GAB1: variants seen among roughly 807,000 people sequenced by gnomAD.
The protein encoded by GAB1 is GRB2 associated binding protein 1, also known as GRB2-associated-binding protein 1.
A neutral mutation model predicts 66.5 loss-of-function variants in GAB1; 19 were observed. That is an observed-to-expected ratio of 0.29 (90% CI 0.20 to 0.42). The LOEUF (loss-of-function observed/expected upper bound fraction) is 0.42, where lower values mean the gene tolerates loss of function less well. Among genes scored for constraint, GAB1 ranks in the 10% least tolerant of loss-of-function variants. The probability of loss-of-function intolerance (pLI) is 1.00; values close to 1 mark genes in which losing one functional copy is unlikely to be tolerated. For missense variants in GAB1, 732 were observed against 858.5 expected (o/e 0.85, Z 1.84); for synonymous variants, 294 against 301.4 (o/e 0.98, Z 0.25).
intron 1 of GAB1, among the ~76,000 whole-genome samples, chr4:143,412,222 A>G (rs969230477): frequency 1.3e-5 from 2 of 152,262 alleles, no homozygotes; most frequent in African/African-American, 4.8e-5. Context: ...CATAAGCTGT[A>G]GCAAAAGGAC....
At chr4:143,376,340 A>G (rs994987716) in intron 1 of GAB1, among the ~76,000 whole-genome samples, 3 of 152,216 alleles carry the variant, frequency 2.0e-5, no homozygotes, top group East Asian at 1.9e-4. Flanking sequence ...GGTCAGGGAG[A>G]AAAACACAGA....
At chr4:143,437,951 T>C in intron 3 of GAB1, 48 bp from the exon 4 acceptor site, 2 of 1,537,030 alleles carry the variant, frequency 1.3e-6, no homozygotes, top group Non-Finnish European at 1.8e-6. Flanking sequence ...AAAAAATGTA[T>C]TCTTAGTCTC....
chr4:143,349,758 G>T, intron 1 of GAB1: 2 of 1,590,006 alleles, frequency 1.3e-6, no homozygotes, highest in South Asian at 1.1e-5. Context: ...CGTGGCCATT[G>T]TAGTCCCCGA....
chr4:143,355,507 A>G (rs184505835), intron 1 of GAB1, among the ~76,000 whole-genome samples: 1 of 152,348 alleles, frequency 6.6e-6, no homozygotes, highest in Non-Finnish European at 1.5e-5. Flanking sequence ...CAGTAGGTTA[A>G]GTATTCAGAT....
chr4:143,407,314 T>C (rs1160634184), intron 1 of GAB1, among the ~76,000 whole-genome samples: 1 of 152,024 alleles, frequency 6.6e-6, no homozygotes, highest in Non-Finnish European at 1.5e-5. Flanking sequence ...TGCCTAGGCT[T>C]TGAGGTAGGC....
chr4:143,434,861 G>C (rs1290730912), intron 3 of GAB1, among the ~76,000 whole-genome samples: 1 of 152,068 alleles, frequency 6.6e-6, no homozygotes, highest in Non-Finnish European at 1.5e-5. Context: ...AGGCAATAAA[G>C]AGTCAAGAAG....
chr4:143,458,763 A>G (rs762372491), intron 6 of GAB1, among the ~76,000 whole-genome samples: 1 of 152,202 alleles, frequency 6.6e-6, no homozygotes, highest in Admixed American at 6.5e-5. Context: ...TACACTAACA[A>G]TTTGAAGTAA....
At chr4:143,426,010 AAAAG>A in intron 2 of GAB1, 1 of 631,302 alleles carries the variant, frequency 1.6e-6, no homozygotes. Flanking sequence ...AAATTACAAA[AAAAG>A]AAAAAATTAA....
At chr4:143,451,314 C>T (rs1734918763) in intron 6 of GAB1, among the ~76,000 whole-genome samples, 1 of 151,878 alleles carries the variant, frequency 6.6e-6, no homozygotes, top group African/African-American at 2.4e-5. Context: ...GGCCCAGAGT[C>T]GTGGGGAGGT....
At chr4:143,430,049 G>A (rs765393462) in intron 2 of GAB1, among the ~76,000 whole-genome samples, 4 of 152,132 alleles carry the variant, frequency 2.6e-5, no homozygotes, top group Non-Finnish European at 5.9e-5. Flanking sequence ...TAGTTAACTC[G>A]TTTTGCTTGA....
intron 1 of GAB1, among the ~76,000 whole-genome samples, chr4:143,337,651 G>A (rs1728704767): frequency 6.6e-6 from 1 of 152,160 alleles, no homozygotes; most frequent in African/African-American, 2.4e-5. Context: ...GTGTGCTAAA[G>A]CTCCCGCACC....
At chr4:143,414,464 A>G (rs1253948206) in intron 1 of GAB1, among the ~76,000 whole-genome samples, 1 of 152,178 alleles carries the variant, frequency 6.6e-6, no homozygotes. Flanking sequence ...TGGTGAGTGT[A>G]TTACAGATTG....
Position 143,452,479 on chromosome 4 carries a change from G to C in GAB1, c.1586-6906G>C, listed in dbSNP as rs1312503511. On this transcript the variant is annotated intron_variant, in intron 6 of 9. Transcript: ENST00000262994. ...CCATTAAAATAAGTTACAGTGATGA[G>C]GTTACAGTATACAGCAGTATATTAG... is the stretch of plus-strand genomic sequence containing the variant. 2.0e-5 allele frequency among the ~76,000 whole-genome samples: 3 copies of C among 152,074 alleles called. No individual in the cohort carries two copies. The South Asian group carries it at 6.2e-4, about 32-fold the overall frequency.
At chr4:143,373,822 C>CCTCTCTCTCTCTCTCTCTCTCT (rs3049718) in intron 1 of GAB1, among the ~76,000 whole-genome samples, 5 of 97,842 alleles carry the variant, frequency 5.1e-5, no homozygotes, top group Non-Finnish European at 8.0e-5. Context: ...GGAGTGAAAC[C>CCTCTCTCTCTCTCTCTCTCTCT]CTCTCTCTCT....
intron 4 of GAB1, among the ~76,000 whole-genome samples, chr4:143,438,894 T>C (rs992468805): frequency 1.3e-5 from 2 of 152,022 alleles, no homozygotes; most frequent in Non-Finnish European, 2.9e-5. Flanking sequence ...GGCCCTCTGT[T>C]GGGACAGAAG....
intron 7 of GAB1, among the ~76,000 whole-genome samples, 174 bp from the exon 8 acceptor site, chr4:143,460,190 T>C (rs1203928511): frequency 2.6e-5 from 4 of 152,188 alleles, no homozygotes; most frequent in African/African-American, 9.7e-5. Flanking sequence ...ATTATAAATA[T>C]TAGTTATGTG....
chr4:143,407,678 C>T (rs1266823633), intron 1 of GAB1, among the ~76,000 whole-genome samples: 1 of 152,148 alleles, frequency 6.6e-6, no homozygotes, highest in African/African-American at 2.4e-5. Flanking sequence ...GTGTTTGGAA[C>T]AGATGATCAT....
chr4:143,397,031 T>A (rs1731488267), intron 1 of GAB1, among the ~76,000 whole-genome samples: 1 of 152,186 alleles, frequency 6.6e-6, no homozygotes, highest in South Asian at 2.1e-4. Flanking sequence ...GGTGATCGTG[T>A]TGCCTGATAA....
chr4:143,373,766 T>A (rs756351985), intron 1 of GAB1, among the ~76,000 whole-genome samples: 4 of 148,470 alleles, frequency 2.7e-5, no homozygotes, highest in Non-Finnish European at 3.0e-5. Flanking sequence ...AAGGCAGAGG[T>A]TGCAGTGAGC....
Sources: allele counts gnomAD v4.1 joint callset (sites outside exome capture counted in the v4.1 genomes callset), GRCh38; gene constraint gnomAD v4.1.1; transcripts MANE v1.5; gene names NCBI Gene and HGNC (gene_info 2026-07-23, HGNC 2026-07-21).